Variants in ITFG1 observed in about 807,000 individuals in gnomAD.
The protein encoded by ITFG1 is T-cell immunomodulatory protein.
In ITFG1, 34 loss-of-function variants were observed where a neutral mutation model predicts 81.8. The observed-to-expected ratio is 0.42, with a 90% CI of 0.32 to 0.55. The LOEUF (loss-of-function observed/expected upper bound fraction) is 0.55. Ranked by LOEUF, ITFG1 falls within the 20% of genes least tolerant of loss-of-function variation. The pLI is 0.17. For missense variants in ITFG1, 672 were observed against 755.4 expected (o/e 0.89, Z 1.29); for synonymous variants, 285 against 270.6 (o/e 1.05, Z -0.52).
chr16:47,372,786 CAAGT>C lies in ITFG1; in HGVS notation c.720+3086_720+3089del, dbSNP rs1410384634. Among the ~76,000 whole-genome samples, 14 of 152,278 alleles carry C rather than the reference CAAGT, an allele frequency of 9.2e-5. No homozygotes were observed. In the South Asian group the frequency reaches 2.7e-3, roughly 29 times the overall value. On this transcript the variant is annotated intron_variant, in intron 7 of 17. Coordinates refer to ENST00000320640, the MANE Select transcript of ITFG1 (RefSeq NM_030790.5). ...TCTTATTGCTCACCAGAAGAAAACA[CAAGT>C]AAGCACTGTGTTAATGGTCATCCCA...
chr16:47,244,218 A>G (rs1287166064), intron 12 of ITFG1, among the ~76,000 whole-genome samples: 1 of 152,214 alleles, frequency 6.6e-6, no homozygotes, highest in East Asian at 1.9e-4. Context: ...AAACGTAAGT[A>G]AAGTGTTTCC....
chr16:47,386,028 A>C (rs1968457033), intron 6 of ITFG1, among the ~76,000 whole-genome samples: 1 of 152,206 alleles, frequency 6.6e-6, no homozygotes, highest in African/African-American at 2.4e-5. Flanking sequence ...AAGGCCATTG[A>C]CTTAAACAAA....
chr16:47,320,396 C>T (rs986724775), intron 8 of ITFG1, among the ~76,000 whole-genome samples: 6 of 152,122 alleles, frequency 3.9e-5, no homozygotes, highest in African/African-American at 1.4e-4. Context: ...GTTTCCCCCA[C>T]CCACACCCTG....
intron 12 of ITFG1, among the ~76,000 whole-genome samples, chr16:47,244,065 T>C (rs562911145): frequency 1.6e-4 from 24 of 152,276 alleles, no homozygotes; most frequent in Admixed American, 3.3e-4. Context: ...ATCTCAGACA[T>C]AGTGTTGAGC....
intron 6 of ITFG1, among the ~76,000 whole-genome samples, chr16:47,396,524 T>TGTG (rs1555514103): frequency 3.4e-5 from 5 of 149,104 alleles, no homozygotes; most frequent in Non-Finnish European, 5.9e-5. Flanking sequence ...AATAATTATT[T>TGTG]TGTGTGTGTG....
At chr16:47,430,057 C>CTT (rs920966590) in intron 5 of ITFG1, among the ~76,000 whole-genome samples, 7 of 122,014 alleles carry the variant, frequency 5.7e-5, no homozygotes, top group South Asian at 2.7e-4. Flanking sequence ...TTTTACTTTT[C>CTT]TTTTTTTTTT....
chr16:47,247,808 A>C (rs1332776704), intron 12 of ITFG1, among the ~76,000 whole-genome samples: 1 of 152,106 alleles, frequency 6.6e-6, no homozygotes, highest in East Asian at 1.9e-4. Context: ...TACTCACCCT[A>C]GCTCAGAGGG....
intron 6 of ITFG1, among the ~76,000 whole-genome samples, chr16:47,415,036 T>C (rs540626548): frequency 2.0e-5 from 3 of 152,288 alleles, no homozygotes; most frequent in Non-Finnish European, 4.4e-5. Context: ...AAATACACTG[T>C]TGTCTAAAAT....
chr16:47,181,047 A>G (rs1965104917), intron 14 of ITFG1, among the ~76,000 whole-genome samples: 1 of 144,682 alleles, frequency 6.9e-6, no homozygotes, highest in Non-Finnish European at 1.5e-5. Flanking sequence ...ACCATCTAGG[A>G]AGTCACGAGC....
chr16:47,296,885 T>C (rs1444912830), intron 10 of ITFG1, among the ~76,000 whole-genome samples: 1 of 152,220 alleles, frequency 6.6e-6, no homozygotes, highest in Non-Finnish European at 1.5e-5. Flanking sequence ...GAATGTTCCA[T>C]GTTCCGATGA....
intron 10 of ITFG1, among the ~76,000 whole-genome samples, chr16:47,310,833 G>T (rs1352377166): frequency 6.6e-6 from 1 of 152,166 alleles, no homozygotes; most frequent in African/African-American, 2.4e-5. Flanking sequence ...AAGAGTCTGA[G>T]TAATATGACC....
chr16:47,433,895 TATATATA>T (rs1969128357), intron 5 of ITFG1, among the ~76,000 whole-genome samples: 5 of 116,896 alleles, frequency 4.3e-5, no homozygotes, highest in Non-Finnish European at 8.6e-5. Flanking sequence ...TATATATATA[TATATATA>T]TATAGTTGTC....
intron 6 of ITFG1, among the ~76,000 whole-genome samples, chr16:47,416,292 A>C (rs1968874196): frequency 6.6e-6 from 1 of 152,176 alleles, no homozygotes; most frequent in South Asian, 2.1e-4. Flanking sequence ...AATTGTTATA[A>C]TCATATAGTG....
At chr16:47,221,125 A>C (rs1421183813) in intron 13 of ITFG1, among the ~76,000 whole-genome samples, 1 of 152,052 alleles carries the variant, frequency 6.6e-6, no homozygotes, top group Non-Finnish European at 1.5e-5. Flanking sequence ...TTCCCAGAGA[A>C]ATGTCACTAT....
intron 13 of ITFG1, among the ~76,000 whole-genome samples, chr16:47,229,795 T>C (rs187488531): frequency 2.6e-5 from 4 of 152,226 alleles, no homozygotes; most frequent in Admixed American, 2.6e-4. Flanking sequence ...GGGACTTAGA[T>C]ACAAAGGTCT....
chr16:47,258,337 G>A (rs1234014377), intron 12 of ITFG1, among the ~76,000 whole-genome samples: 1 of 152,130 alleles, frequency 6.6e-6, no homozygotes, highest in African/African-American at 2.4e-5. Flanking sequence ...AAACTGAAAA[G>A]GACATGAAAA....
At chr16:47,409,956 GA>G (rs1290473433) in intron 6 of ITFG1, among the ~76,000 whole-genome samples, 1 of 152,004 alleles carries the variant, frequency 6.6e-6, no homozygotes, top group African/African-American at 2.4e-5. Flanking sequence ...AGAACTTTTA[GA>G]AATAAATATT....
chr16:47,271,354 C>T (rs372887232), intron 10 of ITFG1, among the ~76,000 whole-genome samples: 2 of 152,116 alleles, frequency 1.3e-5, no homozygotes, highest in East Asian at 1.9e-4. Context: ...CCAACAAGTA[C>T]GTGAAGAAAG....
chr16:47,262,645 C>T (rs1256826707), intron 10 of ITFG1: 1 of 152,244 alleles, frequency 6.6e-6, no homozygotes, highest in Admixed American at 6.5e-5. Flanking sequence ...CAACCTACAA[C>T]AAAAACCCTT....
Sources: allele counts gnomAD v4.1 joint callset (sites outside exome capture counted in the v4.1 genomes callset), GRCh38; gene constraint gnomAD v4.1.1; transcripts MANE v1.5; gene names NCBI Gene and HGNC (gene_info 2026-07-23, HGNC 2026-07-21).